The following LAMA1 variants were observed in gnomAD, a reference collection of about 807,000 sequenced individuals.
The protein encoded by LAMA1 is laminin subunit alpha-1.
In LAMA1, 219 loss-of-function variants were observed where a neutral mutation model predicts 348.7. That is an observed-to-expected ratio of 0.63 (90% CI 0.56 to 0.70). The LOEUF (loss-of-function observed/expected upper bound fraction) is 0.70. Ranked by LOEUF, LAMA1 falls within the 30% of genes least tolerant of loss-of-function variation. LAMA1 has a pLI of 0.00. For missense variants in LAMA1, 3,744 were observed against 3,888.0 expected (o/e 0.96, Z 0.99); for synonymous variants, 1,487 against 1,491.0 (o/e 1.00, Z 0.06).
intron 10 of LAMA1, 54 bp from the exon 11 acceptor site, chr18:7,039,004 G>A: frequency 6.2e-6 from 9 of 1,447,586 alleles, no homozygotes; most frequent in Non-Finnish European, 8.7e-6. Context: ...TGTCCAGAGA[G>A]AATAAAATGA....
intron 1 of LAMA1, among the ~76,000 whole-genome samples, chr18:7,115,464 ATATACTATGAGCTGTAAGG>A (rs1054344861): frequency 6.6e-6 from 1 of 152,158 alleles, no homozygotes; most frequent in Non-Finnish European, 1.5e-5. Flanking sequence ...CCATCAGGTC[ATATACTATGAGCTGTAAGG>A]TAACCCAGAG....
chr18:6,973,494 T>TA (rs1023774096), intron 46 of LAMA1, among the ~76,000 whole-genome samples: 6 of 152,156 alleles, frequency 3.9e-5, no homozygotes, highest in Non-Finnish European at 4.4e-5. Flanking sequence ...TTTTGTAAAT[T>TA]AAAAAAATCC....
At chr18:6,955,992 G>C (rs557116839) in intron 56 of LAMA1, 32 of 310,828 alleles carry the variant, frequency 1.0e-4, no homozygotes, top group South Asian at 9.1e-4. Flanking sequence ...AACCATCTGC[G>C]GGCTGTCCTA....
At chr18:6,988,954 G>T (rs956219177) in intron 36 of LAMA1, among the ~76,000 whole-genome samples, 7 of 152,124 alleles carry the variant, frequency 4.6e-5, no homozygotes, top group Admixed American at 2.0e-4. Flanking sequence ...CCTCTGAAAG[G>T]CCTGCTGGCG....
Position 6,985,573 on chromosome 18 carries a change from A to G in LAMA1, c.5450T>C (p.Ile1817Thr), listed in dbSNP as rs746074229. 194 of 1,614,078 alleles carry G rather than the reference A, an allele frequency of 1.2e-4. No individual in the cohort carries two copies. The highest frequency in any genetic ancestry group is 1.5e-4 in the Non-Finnish European group (179 of 1,180,028). Reference sequence around the variant, plus strand: ...ATCTGTTTGTGCAGCAGCAGCATCTATCAATCCTCTTCCTTGGACAATGAG... The same window carrying G: ...ATCTGTTTGTGCAGCAGCAGCATCTGTCAATCCTCTTCCTTGGACAATGAG... Reference protein sequence around the residue: ...SELIVQGRGLIDAAAAQTDAV... With the variant: ...SELIVQGRGLTDAAAAQTDAV... The change falls in exon 38 of 63, where the codon ATA (isoleucine) becomes ACA (threonine). Residue 1817 changes from isoleucine (I) to threonine (T), a missense_variant. By Grantham distance (89) the Ile-to-Thr change is moderately conservative. Around this residue, in one of 3 missense-constraint regions of LAMA1, gnomAD observed 1,983 missense variants for 1,934.3 expected, o/e 1.03. Coordinates refer to ENST00000389658, the MANE Select transcript of LAMA1 (RefSeq NM_005559.4).
At chr18:6,978,079 T>G (rs1023686461) in intron 43 of LAMA1, 117 bp downstream of exon 43, 1 of 1,407,686 alleles carries the variant, frequency 7.1e-7, no homozygotes, top group East Asian at 2.3e-5. Flanking sequence ...CTAATCCAGA[T>G]GTTAGCATAC....
At chr18:7,057,320 T>C (rs1452718046) in intron 3 of LAMA1, among the ~76,000 whole-genome samples, 2 of 152,112 alleles carry the variant, frequency 1.3e-5, no homozygotes, top group African/African-American at 2.4e-5. Context: ...CCCAGGCAGT[T>C]TGTACTCTTA....
At chr18:7,006,419 T>C (rs1475342908) in intron 29 of LAMA1, among the ~76,000 whole-genome samples, 1 of 152,138 alleles carries the variant, frequency 6.6e-6, no homozygotes, top group South Asian at 2.1e-4. Context: ...CACAGAGAAA[T>C]ACATTTTCAA....
At chr18:6,985,185 C>T in intron 39 of LAMA1, 52 bp downstream of exon 39, 2 of 1,592,832 alleles carry the variant, frequency 1.3e-6, no homozygotes, top group Non-Finnish European at 1.7e-6. Flanking sequence ...CCATCTATTT[C>T]TCCGATCAAT....
At chr18:6,998,883 A>C (rs1489150962) in intron 32 of LAMA1, among the ~76,000 whole-genome samples, 1 of 152,186 alleles carries the variant, frequency 6.6e-6, no homozygotes. Context: ...AAATACAAAA[A>C]TTAGCCAGGC....
intron 8 of LAMA1, chr18:7,042,504 C>T (rs1034827540): frequency 1.2e-5 from 5 of 416,954 alleles, no homozygotes; most frequent in Non-Finnish European, 2.3e-5. Flanking sequence ...TCTCCAGCCC[C>T]CCTCGCGCTG....
At chr18:7,072,055 G>A (rs1013984467) in intron 3 of LAMA1, among the ~76,000 whole-genome samples, 1 of 150,836 alleles carries the variant, frequency 6.6e-6, no homozygotes, top group Non-Finnish European at 1.5e-5. Flanking sequence ...GAGATGATGT[G>A]TTTCTGCCTG....
chr18:6,989,836 C>T (rs1440778974), intron 36 of LAMA1, among the ~76,000 whole-genome samples: 1 of 152,162 alleles, frequency 6.6e-6, no homozygotes, highest in East Asian at 1.9e-4. Context: ...CAGCCCCCCA[C>T]ACATCTGAGT....
At chr18:6,976,588 ATATTTATTTATTTATTTATT>A (rs66905104) in intron 44 of LAMA1, among the ~76,000 whole-genome samples, 1 of 148,202 alleles carries the variant, frequency 6.7e-6, no homozygotes, top group Non-Finnish European at 1.5e-5. Context: ...CCTTGGGCTT[ATATTTATTTATTTATTTATT>A]TATTTATTTA....
At chr18:7,043,646 A>C (rs190069890) in intron 7 of LAMA1, among the ~76,000 whole-genome samples, 16 of 152,304 alleles carry the variant, frequency 1.1e-4, no homozygotes, top group African/African-American at 3.4e-4. Flanking sequence ...TATTTCGCAG[A>C]AGTACTTGCC....
At chr18:7,027,112 T>A (rs927036999) in intron 16 of LAMA1, among the ~76,000 whole-genome samples, 1 of 152,036 alleles carries the variant, frequency 6.6e-6, no homozygotes, top group Non-Finnish European at 1.5e-5. Flanking sequence ...TGATCCTAGA[T>A]GGGGGCCTGT....
chr18:6,951,131 G>C (rs896843070), intron 57 of LAMA1, among the ~76,000 whole-genome samples, 160 bp from the exon 58 acceptor site: 2 of 152,168 alleles, frequency 1.3e-5, no homozygotes, highest in Admixed American at 1.3e-4. Context: ...TTCATATAAT[G>C]AGTTATTAGT....
chr18:7,023,659 T>A (rs1333071923), intron 18 of LAMA1, among the ~76,000 whole-genome samples: 1 of 152,156 alleles, frequency 6.6e-6, no homozygotes, highest in African/African-American at 2.4e-5. Context: ...CACAGCCTCC[T>A]GCAGGCTCAG....
chr18:6,983,147 C>T lies in LAMA1; in HGVS notation c.5748G>A (p.Ser1916=), dbSNP rs745905632. The change falls in exon 40 of 63, where the codon TCG becomes TCA. Residue 1916 remains serine (S), a synonymous_variant. Transcript: ENST00000389658. ...HYNIQSLIEE[S]EELARDAHRT... is the part of the protein sequence containing the mutation. Reference sequence around the variant, plus strand: ...TGTGAGCATCTCTGGCCAGTTCCTCCGATTCTTCAATCAGGCTCTGGATGT... The same window carrying T: ...TGTGAGCATCTCTGGCCAGTTCCTCTGATTCTTCAATCAGGCTCTGGATGT... 2.7e-5 allele frequency: 44 copies of T among 1,613,974 alleles called. No homozygotes were observed. The Admixed American group carries it at 3.2e-4, about 12-fold the overall frequency.
Sources: gnomAD v4.1 joint callset for allele counts (sites outside exome capture counted in the v4.1 genomes callset) on GRCh38, gnomAD v4.1.1 for gene constraint, gnomAD v4.1.1 regional missense constraint, MANE v1.5 for transcripts, NCBI Gene and HGNC (gene_info 2026-07-23, HGNC 2026-07-21) for gene names.